The following OGFOD1 variants were observed in gnomAD, a reference collection of about 807,000 sequenced individuals.
OGFOD1 encodes 2-oxoglutarate and iron dependent oxygenase domain containing 1.
OGFOD1 carries 54 observed loss-of-function variants against 67.7 expected under a neutral mutation model. The observed-to-expected ratio is 0.80, with a 90% CI of 0.64 to 1.00. The LOEUF (loss-of-function observed/expected upper bound fraction) is 1.00, where lower values mean the gene tolerates loss of function less well. Among genes scored for constraint, OGFOD1 ranks in the 50% least tolerant of loss-of-function variants. OGFOD1 has a pLI of 0.00. For synonymous variants in OGFOD1, 221 were observed against 227.0 expected, an observed-to-expected ratio of 0.97 and a Z score of 0.24; for missense variants, 606 against 646.7, an observed-to-expected ratio of 0.94 and a Z score of 0.68.
chr16:56,464,800 G>A (rs7188330), intron 4 of OGFOD1, among the ~76,000 whole-genome samples: 11,750 of 151,944 alleles, frequency 0.077, 670 homozygotes, highest in East Asian at 0.16. Context: ...AGAATGACCT[G>A]GAGTTGGCCA....
intron 8 of OGFOD1, among the ~76,000 whole-genome samples, chr16:56,468,588 T>C (rs538469260): frequency 5.7e-4 from 86 of 151,952 alleles, no homozygotes; most frequent in African/African-American, 1.9e-3. Context: ...TAGCCGGGCA[T>C]GGTGGCATGC....
rs1963550378 is a variant in OGFOD1, at chr16:56,477,945, C to A, written c.*1740C>A. ...AGTTTCAAAAAGGTTTAATTCTGCA[C>A]CCTAGCCAGTTAAGAAATGTTTTAG... On this transcript the variant is annotated 3_prime_UTR_variant, in exon 13 of 13. Transcript: ENST00000566157. 6.6e-6 allele frequency: 1 copy of A among 152,130 alleles called. No individual in the cohort carries two copies. Among genetic ancestry groups the A allele is most frequent in the South Asian group, 2.1e-4 (1 of 4,830 alleles). 9.4% of individuals were successfully genotyped at this position (152,130 alleles called of 1,614,324 possible).
At chr16:56,461,135 T>C (rs1489187329) in intron 3 of OGFOD1, among the ~76,000 whole-genome samples, 1 of 152,220 alleles carries the variant, frequency 6.6e-6, no homozygotes, top group Non-Finnish European at 1.5e-5. Context: ...GGTACCAGTA[T>C]TGGTGCTTGT....
Position 56,470,764 on chromosome 16 carries a change from G to A in OGFOD1, c.1258G>A (p.Glu420Lys). 1 of 1,600,456 alleles carries A rather than the reference G, an allele frequency of 6.2e-7. No individual in the cohort carries two copies. Among genetic ancestry groups the A allele is most frequent in the African/African-American group, 1.3e-5 (1 of 74,172 alleles). The change falls in exon 10 of 13, where the codon GAG becomes AAG. Residue 420 changes from glutamate (E) to lysine (K), a missense_variant. Glu to Lys is a moderately conservative substitution (Grantham distance 56). Transcript: ENST00000566157. The part of the protein sequence containing the change: ...SQQSNEQTDP[E>K]PEENETKKES... ...ACAGAGCAATGAGCAGACAGACCCA[G>A]AGCCAGAGGAAAATGAAACAAAGAA... is the stretch of plus-strand genomic sequence containing the variant.
chr16:56,467,114 G>A lies in OGFOD1; in HGVS notation c.658-51G>A, dbSNP rs145466653. Reference sequence around the variant, plus strand: ...GACCCTGAAATTAATGTGCATTGGCGGTAATCCCCCTATTCTTCGTGTTGA... The same window carrying A: ...GACCCTGAAATTAATGTGCATTGGCAGTAATCCCCCTATTCTTCGTGTTGA... On this transcript the variant is annotated intron_variant, in intron 6 of 12. Transcript: ENST00000566157. The A allele has an allele frequency of 5.3e-3, 8,522 of 1,611,786 alleles. 28 individuals carry two copies. Among genetic ancestry groups the A allele is most frequent in the Non-Finnish European group, 6.6e-3 (7,825 of 1,178,376 alleles).
In OGFOD1 at chr16:56,467,212, C is replaced by T; in HGVS notation, c.705C>T (p.Gly235=). 1.2e-6 allele frequency: 2 copies of T among 1,614,112 alleles called. No homozygotes were observed. Among genetic ancestry groups the T allele is most frequent in the African/African-American group, 1.3e-5 (1 of 75,024 alleles). Residue 235 remains glycine (G), a synonymous_variant, in exon 7 of 13, where the codon GGC becomes GGT. Coordinates refer to ENST00000566157, the MANE Select transcript of OGFOD1 (RefSeq NM_018233.4). ...AAAAGTCACGTTTGTCTATAAGTGGCTGGTTTCATGGTCCATCATTGACTC... is the reference window on the plus strand; with the variant it reads ...AAAAGTCACGTTTGTCTATAAGTGGTTGGTTTCATGGTCCATCATTGACTC... ...SEEKSRLSIS[G]WFHGPSLTRP...
intron 3 of OGFOD1, among the ~76,000 whole-genome samples, chr16:56,461,953 C>T (rs1396262094): frequency 4.6e-5 from 7 of 152,008 alleles, no homozygotes; most frequent in South Asian, 4.2e-4. Flanking sequence ...ATTAGCCGGG[C>T]GTGCTGGTGC....
intron 3 of OGFOD1, 92 bp downstream of exon 3, chr16:56,458,686 T>C: frequency 9.1e-7 from 1 of 1,093,212 alleles, no homozygotes; most frequent in Non-Finnish European, 1.4e-6. Flanking sequence ...TGTCATATAA[T>C]TCTTGTTGAC....
chr16:56,471,866 G>A (rs1487097312), intron 10 of OGFOD1, among the ~76,000 whole-genome samples: 4 of 152,234 alleles, frequency 2.6e-5, no homozygotes, highest in Non-Finnish European at 5.9e-5. Context: ...AATTGATACT[G>A]GCATTTATGC....
At chr16:56,469,597 G>A (rs1390288787) in intron 8 of OGFOD1, among the ~76,000 whole-genome samples, 1 of 152,070 alleles carries the variant, frequency 6.6e-6, no homozygotes, top group Non-Finnish European at 1.5e-5. Flanking sequence ...GCTGATGTCT[G>A]TAATCTCAAC....
chr16:56,459,561 A>G (rs1029248762), intron 3 of OGFOD1, among the ~76,000 whole-genome samples: 2 of 152,224 alleles, frequency 1.3e-5, no homozygotes, highest in Admixed American at 6.5e-5. Context: ...GTAGTTATCT[A>G]TGTTCTCAAT....
intron 10 of OGFOD1, among the ~76,000 whole-genome samples, chr16:56,472,286 T>A (rs1487817324): frequency 7.9e-5 from 12 of 152,206 alleles, no homozygotes; most frequent in Non-Finnish European, 1.5e-4. Context: ...TGTCCAGTTC[T>A]ATTCCTTTTT....
At chr16:56,454,210 T>C (rs1962434288) in intron 2 of OGFOD1, among the ~76,000 whole-genome samples, 1 of 152,050 alleles carries the variant, frequency 6.6e-6, no homozygotes, top group Non-Finnish European at 1.5e-5. Context: ...TTTCTGGGTA[T>C]GGTGGCATGT....
At chr16:56,470,962 A>C (rs1198083982) in intron 10 of OGFOD1, among the ~76,000 whole-genome samples, 171 bp downstream of exon 10, 2 of 152,194 alleles carry the variant, frequency 1.3e-5, no homozygotes, top group Non-Finnish European at 2.9e-5. Context: ...ATTCTAGTAG[A>C]AGAAGACAGA....
chr16:56,452,396 A>G (rs1962370009), intron 1 of OGFOD1, among the ~76,000 whole-genome samples: 1 of 152,172 alleles, frequency 6.6e-6, no homozygotes, highest in Non-Finnish European at 1.5e-5. Flanking sequence ...ATGAAAATAA[A>G]CGCGCTTTGA....
At chr16:56,458,966 T>C (rs1962622079) in intron 3 of OGFOD1, 1 of 189,656 alleles carries the variant, frequency 5.3e-6, no homozygotes. Flanking sequence ...CTGTAGTCTT[T>C]CTTCAAAGAT....
chr16:56,465,265 G>T (rs890145764), intron 4 of OGFOD1, among the ~76,000 whole-genome samples: 2 of 152,116 alleles, frequency 1.3e-5, no homozygotes, highest in African/African-American at 2.4e-5. Context: ...CTCCCAAAGT[G>T]CTGGGATTAC....
chr16:56,453,607 C>G (rs1962414976), intron 2 of OGFOD1, 199 bp downstream of exon 2: 1 of 484,018 alleles, frequency 2.1e-6, no homozygotes, highest in Non-Finnish European at 3.7e-6. Flanking sequence ...TATATGGAAG[C>G]CTTAGACAGT....
rs577467891 is a variant in OGFOD1, at chr16:56,463,511, C to G, written c.448+877C>G. The stretch of plus-strand genomic sequence containing the variant: ...GATCTCGGCCCACTGCATCCTCCAC[C>G]TCCCGGGTTCAAGTGATTCTCCTGC... On this transcript the variant is annotated intron_variant, in intron 4 of 12. Coordinates refer to ENST00000566157, the MANE Select transcript of OGFOD1 (RefSeq NM_018233.4). Among the ~76,000 whole-genome samples the G allele has an allele frequency of 7.3e-5, 11 of 150,302 alleles. No individual in the cohort carries two copies. The East Asian group carries it at 2.2e-3, about 30-fold the overall frequency.
Sources: allele counts gnomAD v4.1 joint callset (sites outside exome capture counted in the v4.1 genomes callset), GRCh38; gene constraint gnomAD v4.1.1; transcripts MANE v1.5; gene names NCBI Gene and HGNC (gene_info 2026-07-23, HGNC 2026-07-21).